The following CAMSAP2 variants were observed in gnomAD, a reference collection of about 807,000 sequenced individuals.
CAMSAP2 encodes calmodulin regulated spectrin associated protein family member 2, also known as calmodulin-regulated spectrin-associated protein 2.
Under a neutral mutation model 146.1 loss-of-function variants are expected in CAMSAP2, and 26 were observed. That is an observed-to-expected ratio of 0.18 (90% CI 0.13 to 0.25). CAMSAP2 has a LOEUF of 0.25. CAMSAP2 is among the 10% of genes least tolerant of loss of function. The pLI is 1.00. For synonymous variants in CAMSAP2, 499 were observed against 596.6 expected (o/e 0.84, Z 2.38); for missense variants, 1,381 against 1,759.3 (o/e 0.78, Z 3.85).
At position 200,816,895 on chromosome 1, in the gene CAMSAP2, T is replaced by G. The variant is rs531907556; in HGVS notation, c.645+1251T>G. ...GTACACACACACGCGTGTGTATGTG[T>G]GTACACACACACGCGTGTGTATGTG... On this transcript the variant is annotated intron_variant, in intron 4 of 16. Coordinates refer to ENST00000358823, the MANE Select transcript of CAMSAP2 (RefSeq NM_203459.4). 3.3e-5 allele frequency among the ~76,000 whole-genome samples: 2 copies of G among 60,510 alleles called. 1 individual carries two copies. The highest frequency in any genetic ancestry group is 1.2e-3 in the South Asian group (2 of 1,628). The allele number at this position is 60,510 out of a possible 152,430, so 39.7% of individuals were successfully genotyped here.
intron 7 of CAMSAP2, among the ~76,000 whole-genome samples, chr1:200,843,975 C>T (rs1372107917): frequency 6.6e-6 from 1 of 151,956 alleles, no homozygotes; most frequent in East Asian, 1.9e-4. Flanking sequence ...AGGTTCACGC[C>T]ATTCTCCTGC....
intron 7 of CAMSAP2, among the ~76,000 whole-genome samples, chr1:200,842,440 G>A (rs982480779): frequency 6.6e-5 from 10 of 151,946 alleles, no homozygotes; most frequent in Admixed American, 2.0e-4. Context: ...GCCTTAACCC[G>A]CAACTCGAAT....
rs546840778 is a variant in CAMSAP2, at chr1:200,745,017, CAT to C, written c.139+5052_139+5053del. On this transcript the variant is annotated intron_variant, in intron 1 of 16. Coordinates refer to ENST00000358823, the MANE Select transcript of CAMSAP2 (RefSeq NM_203459.4). Reference sequence around the variant, plus strand: ...AAAAAATACTATTAAGTATATTAAACATGTAATTTGTGCTCATTATTCTTGTA... The same window carrying C: ...AAAAAATACTATTAAGTATATTAAACGTAATTTGTGCTCATTATTCTTGTA... Among the ~76,000 whole-genome samples the C allele has an allele frequency of 8.6e-5, 13 of 152,024 alleles. No individual in the cohort carries two copies. The South Asian group carries it at 2.7e-3, about 32-fold the overall frequency.
chr1:200,857,609 G>T lies in CAMSAP2; in HGVS notation c.4132-145G>T, dbSNP rs1305002915. On this transcript the variant is annotated intron_variant, in intron 16 of 16. Coordinates refer to ENST00000358823, the MANE Select transcript of CAMSAP2 (RefSeq NM_203459.4). The surrounding 1 kb of genome is among the most constrained non-coding windows in gnomAD (Gnocchi z 4.7). ...CTGGAAGCCTGCAGATTTTATTAAA[G>T]ACTAGCAATAGGCTTTAAGATTTGT... 1.2e-6 allele frequency: 1 copy of T among 849,734 alleles called. No individual in the cohort carries two copies. Among genetic ancestry groups the T allele is most frequent in the African/African-American group, 1.7e-5 (1 of 58,142 alleles). The allele number at this position is 849,734 out of a possible 1,614,324, so 52.6% of individuals were successfully genotyped here.
At chr1:200,768,351 GT>G (rs565810025) in intron 2 of CAMSAP2, among the ~76,000 whole-genome samples, 12 of 152,296 alleles carry the variant, frequency 7.9e-5, no homozygotes, top group African/African-American at 2.9e-4. Flanking sequence ...AAGCAGCTTA[GT>G]TGTGGCGTTA....
chr1:200,829,291 C>T (rs1268932384), intron 4 of CAMSAP2, among the ~76,000 whole-genome samples: 1 of 152,154 alleles, frequency 6.6e-6, no homozygotes, highest in Non-Finnish European at 1.5e-5. Context: ...TGGTGGCTCA[C>T]GCTTATAATC....
In CAMSAP2 at chr1:200,843,943, C is replaced by A. The variant is rs1451134949; in HGVS notation, c.1022-839C>A. On this transcript the variant is annotated intron_variant, in intron 7 of 16. Transcript: ENST00000358823. ...CTGGAGTGCAGTGGCACAATCTCGG[C>A]TCACTGCAGGCTCCATCTCCCAGGT... 2.0e-5 allele frequency among the ~76,000 whole-genome samples: 3 copies of A among 152,024 alleles called. No individual in the cohort carries two copies. In the East Asian group the frequency reaches 5.8e-4, roughly 30 times the overall value.
At chr1:200,844,167 A>G (rs980042713) in intron 7 of CAMSAP2, among the ~76,000 whole-genome samples, 1 of 149,886 alleles carries the variant, frequency 6.7e-6, no homozygotes, top group Non-Finnish European at 1.5e-5. Flanking sequence ...CACCACACCC[A>G]GCCACTTATT....
In CAMSAP2 at chr1:200,857,605, TA is replaced by T; in HGVS notation, c.4132-146del. On this transcript the variant is annotated intron_variant, in intron 16 of 16. Coordinates refer to ENST00000358823, the MANE Select transcript of CAMSAP2 (RefSeq NM_203459.4). This position sits in a 1 kb window ranked among gnomAD's most constrained non-coding sequence, Gnocchi z 4.7. Reference sequence around the variant, plus strand: ...GGTTCTGGAAGCCTGCAGATTTTATTAAAGACTAGCAATAGGCTTTAAGATT... The same window carrying T: ...GGTTCTGGAAGCCTGCAGATTTTATTAAGACTAGCAATAGGCTTTAAGATT... 1.2e-6 allele frequency: 1 copy of T among 844,594 alleles called. No individual in the cohort carries two copies. Among genetic ancestry groups the T allele is most frequent in the Non-Finnish European group, 1.8e-6 (1 of 554,160 alleles). 52.3% of individuals were successfully genotyped at this position (844,594 alleles called of 1,614,324 possible). A position where few individuals can be genotyped will look rare whatever the true frequency, so the allele number is the denominator to read the frequency against.
chr1:200,792,660 G>T (rs988224142), intron 2 of CAMSAP2, among the ~76,000 whole-genome samples: 2 of 152,130 alleles, frequency 1.3e-5, no homozygotes, highest in South Asian at 2.1e-4. Context: ...CAGTAGGGGT[G>T]GGGGAGAAGA....
Position 200,860,243 on chromosome 1 carries a change from T to C in CAMSAP2, c.*2184T>C, listed in dbSNP as rs188029113. ...GTGCAGCTTTTTTTTAATTATGTTT[T>C]TAAAATTATACAGTTGAAAAATATG... On this transcript the variant is annotated 3_prime_UTR_variant, in exon 17 of 17. Transcript: ENST00000358823. The C allele has an allele frequency of 6.5e-6, 1 of 152,852 alleles. No homozygotes were observed. The highest frequency in any genetic ancestry group is 2.4e-5 in the African/African-American group (1 of 41,588). The allele number at this position is 152,852 out of a possible 1,614,324, so 9.5% of individuals were successfully genotyped here. A position where few individuals can be genotyped will look rare whatever the true frequency, so the allele number is the denominator to read the frequency against.
intron 4 of CAMSAP2, among the ~76,000 whole-genome samples, chr1:200,819,497 C>T (rs1430801078): frequency 6.6e-6 from 1 of 152,164 alleles, no homozygotes; most frequent in Non-Finnish European, 1.5e-5. Flanking sequence ...GTCCAACATT[C>T]ATTCTCTTGA....
chr1:200,749,785 A>T (rs1664447817), intron 1 of CAMSAP2, among the ~76,000 whole-genome samples: 1 of 152,248 alleles, frequency 6.6e-6, no homozygotes, highest in African/African-American at 2.4e-5. Flanking sequence ...GGAAAGCAGG[A>T]TAAATGCTAT....
chr1:200,843,849 TG>T (rs1262433395), intron 7 of CAMSAP2, among the ~76,000 whole-genome samples: 15 of 150,444 alleles, frequency 1.0e-4, no homozygotes, highest in African/African-American at 2.2e-4. Flanking sequence ...GTTTTTTTTT[TG>T]TTTGTTTGTT....
At position 200,849,374 on chromosome 1, in the gene CAMSAP2, G is replaced by A; in HGVS notation, c.2605G>A (p.Glu869Lys). Reference protein sequence around the residue: ...EKQWNLASPSEETLNEGEILE... With the variant: ...EKQWNLASPSKETLNEGEILE... ...GCAGTGGAACCTGGCAAGCCCCTCA[G>A]AAGAAACTTTAAATGAAGGAGAGAT... is the stretch of plus-strand genomic sequence containing the variant. Residue 869 changes from glutamate (E) to lysine (K), a missense_variant, in exon 11 of 17, where the codon GAA becomes AAA. This residue lies in a region of CAMSAP2 where 560 missense variants were observed against 715.9 expected (regional missense o/e 0.78). Coordinates refer to ENST00000358823, the MANE Select transcript of CAMSAP2 (RefSeq NM_203459.4). This position sits in a 1 kb window ranked among gnomAD's most constrained non-coding sequence, Gnocchi z 6.3. 6.2e-7 allele frequency: 1 copy of A among 1,614,024 alleles called. No individual in the cohort carries two copies. Among genetic ancestry groups the A allele is most frequent in the East Asian group, 2.2e-5 (1 of 44,890 alleles).
intron 4 of CAMSAP2, among the ~76,000 whole-genome samples, chr1:200,817,261 T>TATACACACATACACAC (rs79931347): frequency 1.0e-4 from 4 of 39,210 alleles, no homozygotes; most frequent in Admixed American, 2.6e-4. Context: ...TGTGTGTGTA[T>TATACACACATACACAC]ATACACACAT....
chr1:200,857,707 GGGTT>G lies in CAMSAP2; in HGVS notation c.4132-46_4132-43del. 1 of 1,421,344 alleles carries G rather than the reference GGGTT, an allele frequency of 7.0e-7. No individual in the cohort carries two copies. The highest frequency in any genetic ancestry group is 9.5e-7 in the Non-Finnish European group (1 of 1,048,570). The allele number at this position is 1,421,344 out of a possible 1,614,324, so 88.0% of individuals were successfully genotyped here. On this transcript the variant is annotated intron_variant, in intron 16 of 16. Transcript: ENST00000358823. This position sits in a 1 kb window ranked among gnomAD's most constrained non-coding sequence, Gnocchi z 4.7. ...TATAAACTTTATTCAGCAAAATAAA[GGGTT>G]TTTATTCGTGTTGTTATGTTGTTTT...
intron 2 of CAMSAP2, among the ~76,000 whole-genome samples, chr1:200,798,582 T>A (rs1489757439): frequency 7.1e-6 from 1 of 140,198 alleles, no homozygotes; most frequent in African/African-American, 2.7e-5. Context: ...GACGATGGGG[T>A]TTTCTAGATA....
intron 4 of CAMSAP2, among the ~76,000 whole-genome samples, chr1:200,816,023 C>T (rs1251247300): frequency 2.6e-5 from 4 of 152,136 alleles, no homozygotes; most frequent in Non-Finnish European, 4.4e-5. Context: ...TCACTGGGTG[C>T]GATGGCTCAC....
Sources: gnomAD v4.1 joint callset for allele counts (sites outside exome capture counted in the v4.1 genomes callset) on GRCh38, gnomAD v4.1.1 for gene constraint, gnomAD v4.1.1 regional missense constraint, Gnocchi (gnomAD v3.1) non-coding constraint, MANE v1.5 for transcripts, NCBI Gene and HGNC (gene_info 2026-07-23, HGNC 2026-07-21) for gene names.